The following IFT122 variants were observed in gnomAD, a reference collection of about 807,000 sequenced individuals.
The protein encoded by IFT122 is intraflagellar transport 122.
In IFT122, 118 loss-of-function variants were observed where a neutral mutation model predicts 161.6. The ratio of observed to expected loss-of-function variants is 0.73; its 90% CI spans 0.63 to 0.85. The LOEUF is 0.85. IFT122 is among the 40% of genes least tolerant of loss of function. The pLI is 0.00. For synonymous variants in IFT122, 550 were observed against 602.4 expected, an observed-to-expected ratio of 0.91 and a Z score of 1.27; for missense variants, 1,381 against 1,579.6, an observed-to-expected ratio of 0.87 and a Z score of 2.13.
At chr3:129,512,169 C>A in intron 23 of IFT122, 143 bp from the exon 24 acceptor site, 1 of 749,182 alleles carries the variant, frequency 1.3e-6, no homozygotes, top group South Asian at 1.4e-5. Flanking sequence ...CTATATGGCG[C>A]TCAGCACACA....
chr3:129,461,220 C>T lies in IFT122; in HGVS notation c.273-8C>T, dbSNP rs2108071428. 6.2e-7 allele frequency: 1 copy of T among 1,607,700 alleles called. No homozygotes were observed. The highest frequency in any genetic ancestry group is 1.7e-4 in the Middle Eastern group (1 of 6,058). The stretch of plus-strand genomic sequence containing the variant: ...CTGCATAGTAATCTACAGTTGTTTA[C>T]TTCCCAGGCACAATGATGCTATACA... On this transcript the variant is annotated splice_polypyrimidine_tract_variant and splice_region_variant and intron_variant, in intron 4 of 29. Coordinates refer to ENST00000348417, the MANE Select transcript of IFT122 (RefSeq NM_052989.3).
chr3:129,479,672 G>A (rs2078400930), intron 12 of IFT122, 113 bp from the exon 13 acceptor site: 13 of 1,302,680 alleles, frequency 1.0e-5, no homozygotes, highest in Non-Finnish European at 1.4e-5. Context: ...TTAGATAGAT[G>A]GATACTGAAT....
intron 26 of IFT122, among the ~76,000 whole-genome samples, chr3:129,516,752 C>A (rs2083812388): frequency 7.5e-6 from 1 of 134,084 alleles, no homozygotes; most frequent in Non-Finnish European, 1.6e-5. Context: ...CACACACACA[C>A]ACAGACTGCC....
chr3:129,519,327 C>A (rs2084446971), intron 28 of IFT122, 141 bp downstream of exon 28: 2 of 979,834 alleles, frequency 2.0e-6, no homozygotes, highest in Non-Finnish European at 3.2e-6. Flanking sequence ...AGGGGCAGGA[C>A]CCCTTCCTGT....
chr3:129,499,373 A>G (rs1427783801), intron 18 of IFT122, among the ~76,000 whole-genome samples: 13 of 152,322 alleles, frequency 8.5e-5, no homozygotes, highest in African/African-American at 3.1e-4. Context: ...ACTGTAAGTC[A>G]TTTTGTTTGT....
intron 14 of IFT122, among the ~76,000 whole-genome samples, chr3:129,482,251 C>A (rs3774768): frequency 3.3e-5 from 5 of 152,104 alleles, no homozygotes; most frequent in African/African-American, 1.2e-4. Context: ...AGGCGTTGTT[C>A]AGTGGAGTCA....
intron 5 of IFT122, chr3:129,461,571 A>G (rs1479268264): frequency 6.1e-6 from 3 of 494,642 alleles, no homozygotes; most frequent in Non-Finnish European, 1.1e-5. Flanking sequence ...GGGCACAGGC[A>G]TAACTTGGTG....
intron 20 of IFT122, 196 bp from the exon 21 acceptor site, chr3:129,504,123 T>G: frequency 1.8e-6 from 1 of 568,766 alleles, no homozygotes; most frequent in Admixed American, 2.8e-5. Flanking sequence ...TGCATATTGC[T>G]GTTAATTGCC....
chr3:129,467,359 TCA>T (rs1320492629), intron 8 of IFT122, among the ~76,000 whole-genome samples: 1 of 152,250 alleles, frequency 6.6e-6, no homozygotes, highest in South Asian at 2.1e-4. Context: ...GTATTTCTCC[TCA>T]GTCTTTTCGT....
chr3:129,461,539 G>A (rs1319102908), intron 5 of IFT122: 1 of 546,118 alleles, frequency 1.8e-6, no homozygotes, highest in African/African-American at 1.9e-5. Flanking sequence ...CCCCAGCAAA[G>A]GAAATGGTAA....
In IFT122 at chr3:129,497,198, G is replaced by A. The variant is rs191382825; in HGVS notation, c.2208+1591G>A. Among the ~76,000 whole-genome samples, 194 of 152,320 alleles carry A rather than the reference G, an allele frequency of 1.3e-3. 3 individuals are homozygous for A. The highest frequency in any genetic ancestry group is 0.013 in the Admixed American group (192 of 15,306). On this transcript the variant is annotated intron_variant, in intron 18 of 29. Coordinates refer to ENST00000348417, the MANE Select transcript of IFT122 (RefSeq NM_052989.3). ...TGGAAAGATTGCTTGAGCCCCAGAG[G>A]TGGAAGTTGCAGTGAGCCAAGATCA...
At chr3:129,487,759 G>T (rs1386194251) in intron 15 of IFT122, 1 of 243,364 alleles carries the variant, frequency 4.1e-6, no homozygotes, top group African/African-American at 2.2e-5. Flanking sequence ...ACTGCCCACG[G>T]CTGTGCACGG....
At chr3:129,470,363 A>G (rs1323531413) in intron 9 of IFT122, among the ~76,000 whole-genome samples, 2 of 151,946 alleles carry the variant, frequency 1.3e-5, no homozygotes, top group Admixed American at 1.3e-4. Flanking sequence ...TCCTGGGTTC[A>G]CGCCATTCTC....
chr3:129,449,065 C>A (rs554215095), intron 1 of IFT122, among the ~76,000 whole-genome samples: 217 of 152,272 alleles, frequency 1.4e-3, no homozygotes, highest in African/African-American at 5.0e-3. Context: ...AAAATAATTT[C>A]TTGGGCTGCT....
chr3:129,459,372 C>T (rs1413535980), intron 4 of IFT122: 1 of 435,748 alleles, frequency 2.3e-6, no homozygotes, highest in Admixed American at 2.4e-5. Flanking sequence ...TCACCGCAAG[C>T]TCCACCTCCC....
At chr3:129,461,036 CAGTG>C (rs1559868768) in intron 4 of IFT122, 188 bp from the exon 5 acceptor site, 1 of 1,086,062 alleles carries the variant, frequency 9.2e-7, no homozygotes, top group Non-Finnish European at 1.4e-6. Context: ...AATAAGAAAA[CAGTG>C]GGTGAGGAGA....
intron 16 of IFT122, among the ~76,000 whole-genome samples, chr3:129,489,535 G>A: frequency 6.6e-6 from 1 of 152,144 alleles, no homozygotes; most frequent in East Asian, 1.9e-4. Context: ...AGATGGAGGA[G>A]GCTGTAAGAA....
intron 23 of IFT122, among the ~76,000 whole-genome samples, chr3:129,509,508 G>A (rs915084779): frequency 6.6e-5 from 10 of 152,194 alleles, no homozygotes; most frequent in South Asian, 4.1e-4. Flanking sequence ...GTTACGAGTT[G>A]TCTCTGTTGC....
chr3:129,459,184 C>G, intron 4 of IFT122: 1 of 406,008 alleles, frequency 2.5e-6, no homozygotes, highest in Non-Finnish European at 4.8e-6. Context: ...AGGTCTCTTT[C>G]GAGGCATTTC....
Sources: gnomAD v4.1 joint callset for allele counts (sites outside exome capture counted in the v4.1 genomes callset) on GRCh38, gnomAD v4.1.1 for gene constraint, MANE v1.5 for transcripts, NCBI Gene and HGNC (gene_info 2026-07-23, HGNC 2026-07-21) for gene names.